NPLOC4: variants seen among roughly 807,000 people sequenced by gnomAD.
NPLOC4 encodes NPL4 homolog, ubiquitin recognition factor.
A neutral mutation model predicts 80.6 loss-of-function variants in NPLOC4; 18 were observed. The observed-to-expected ratio is 0.22, with a 90% CI of 0.15 to 0.33. The LOEUF (loss-of-function observed/expected upper bound fraction) is 0.33. Ranked by LOEUF, NPLOC4 falls within the 10% of genes least tolerant of loss-of-function variation. The pLI is 1.00. For missense variants in NPLOC4, 540 were observed against 786.1 expected, an observed-to-expected ratio of 0.69 and a Z score of 3.74; for synonymous variants, 313 against 301.5, an observed-to-expected ratio of 1.04 and a Z score of -0.39.
At chr17:81,590,374 A>C (rs1247404410) in intron 11 of NPLOC4, among the ~76,000 whole-genome samples, 1 of 152,216 alleles carries the variant, frequency 6.6e-6, no homozygotes, top group African/African-American at 2.4e-5. Flanking sequence ...CAGATCCCTG[A>C]AGTGAGCTGG....
intron 16 of NPLOC4, chr17:81,563,003 C>G (rs1386232811): frequency 6.7e-6 from 1 of 149,150 alleles, no homozygotes; most frequent in East Asian, 2.0e-4. Flanking sequence ...AATCTCAGCA[C>G]TTTGGGAACC....
At chr17:81,607,638 C>A (rs2035241184) in intron 6 of NPLOC4, among the ~76,000 whole-genome samples, 1 of 152,116 alleles carries the variant, frequency 6.6e-6, no homozygotes, top group Non-Finnish European at 1.5e-5. Context: ...ATGCTAACAG[C>A]AGCCACAAAC....
In NPLOC4 at chr17:81,596,209, T is replaced by C. The variant is rs747197544; in HGVS notation, c.1027A>G (p.Thr343Ala). 4 of 1,613,778 alleles carry C rather than the reference T, an allele frequency of 2.5e-6. No homozygotes were observed. In the East Asian group the frequency reaches 8.9e-5, roughly 36 times the overall value. The change falls in exon 11 of 17, where the codon ACT becomes GCT. Residue 343 changes from threonine to alanine, a missense_variant. Transcript: ENST00000331134. The stretch of plus-strand genomic sequence containing the variant: ...TGCTTGTTCTGGAAGTCTCCTGCAG[T>C]GATGCACTCTTCTGAACTTAGGAAA... ...TYFLSSEECI[T>A]AGDFQNKHPN...
At chr17:81,571,837 C>T (rs1223374625) in intron 13 of NPLOC4, among the ~76,000 whole-genome samples, 180 bp downstream of exon 13, 1 of 152,142 alleles carries the variant, frequency 6.6e-6, no homozygotes, top group Non-Finnish European at 1.5e-5. Context: ...ATTTCAGCAA[C>T]ACCGCATGCT....
intron 1 of NPLOC4, among the ~76,000 whole-genome samples, 200 bp downstream of exon 1, chr17:81,636,716 G>C (rs1390558599): frequency 6.6e-6 from 1 of 152,150 alleles, no homozygotes; most frequent in African/African-American, 2.4e-5. Context: ...TAAGTCCCCT[G>C]GGGAGGGACA....
At chr17:81,579,441 G>T (rs2144096097) in intron 12 of NPLOC4, among the ~76,000 whole-genome samples, 1 of 152,226 alleles carries the variant, frequency 6.6e-6, no homozygotes, top group East Asian at 1.9e-4. Context: ...CCCTCCTGCT[G>T]CCAGCCTCTC....
At chr17:81,611,348 T>C (rs2035334123) in intron 4 of NPLOC4, among the ~76,000 whole-genome samples, 1 of 151,884 alleles carries the variant, frequency 6.6e-6, no homozygotes, top group South Asian at 2.1e-4. Context: ...AATAGTTTTT[T>C]TTTTGTTTTC....
chr17:81,576,652 G>A (rs765427875), intron 12 of NPLOC4, among the ~76,000 whole-genome samples: 4 of 112,204 alleles, frequency 3.6e-5, no homozygotes, highest in South Asian at 5.3e-4. Flanking sequence ...AAAACCTGGC[G>A]TGTGTTTGCA....
chr17:81,590,369 C>A (rs2034705929), intron 11 of NPLOC4, among the ~76,000 whole-genome samples: 1 of 152,208 alleles, frequency 6.6e-6, no homozygotes, highest in Non-Finnish European at 1.5e-5. Flanking sequence ...TAGACCAGAT[C>A]CCTGAAGTGA....
intron 4 of NPLOC4, 191 bp downstream of exon 4, chr17:81,613,127 T>TACAAAA: frequency 2.3e-6 from 1 of 425,902 alleles, no homozygotes; most frequent in Non-Finnish European, 3.9e-6. Flanking sequence ...GATAAAAAGC[T>TACAAAA]AAAAAAAAAA....
chr17:81,604,471 G>T, intron 8 of NPLOC4, 77 bp downstream of exon 8: 3 of 1,362,366 alleles, frequency 2.2e-6, no homozygotes, highest in Non-Finnish European at 2.0e-6. Flanking sequence ...AGCGAACAGG[G>T]CAAGGCCTCT....
At chr17:81,588,824 AG>A (rs1391355731) in intron 12 of NPLOC4, 119 bp downstream of exon 12, 23 of 805,752 alleles carry the variant, frequency 2.9e-5, no homozygotes, top group Non-Finnish European at 4.4e-5. Context: ...AGTGACAAGC[AG>A]GGTTCAACCA....
rs1015117592 is a variant in NPLOC4, at chr17:81,558,920, T to TC, written c.*338dup. 4.7e-6 allele frequency: 1 copy of TC among 212,178 alleles called. No homozygotes were observed. Among genetic ancestry groups the TC allele is most frequent in the Non-Finnish European group, 9.3e-6 (1 of 107,370 alleles). 13.1% of individuals were successfully genotyped at this position (212,178 alleles called of 1,614,324 possible). On this transcript the variant is annotated 3_prime_UTR_variant, in exon 17 of 17. Transcript: ENST00000331134. ...AAGAGAAGGCTGGGTGGTGGCAGCA[T>TC]CGGCCCCTCCCTGTGCGCCCCAATT... is the stretch of plus-strand genomic sequence containing the variant.
chr17:81,612,365 G>A (rs1309635111), intron 4 of NPLOC4, among the ~76,000 whole-genome samples: 3 of 152,056 alleles, frequency 2.0e-5, no homozygotes, highest in Admixed American at 6.6e-5. Context: ...ACACACACAC[G>A]CTCTCAAAAG....
At chr17:81,625,441 A>AAATAAAAGGAATG (rs1347172926) in intron 2 of NPLOC4, among the ~76,000 whole-genome samples, 1 of 152,244 alleles carries the variant, frequency 6.6e-6, no homozygotes, top group Non-Finnish European at 1.5e-5. Flanking sequence ...AGATGTACCC[A>AAATAAAAGGAATG]AATAAAAGGA....
At chr17:81,583,654 T>C (rs1184502188) in intron 12 of NPLOC4, among the ~76,000 whole-genome samples, 1 of 152,194 alleles carries the variant, frequency 6.6e-6, no homozygotes, top group Admixed American at 6.5e-5. Context: ...ATGACACAAA[T>C]GTGCCTTCAA....
Position 81,559,147 on chromosome 17 carries a change from T to A in NPLOC4, c.*112A>T. ...GGAGCCCAGGACAGCCAGCCCCTTG[T>A]TCCTCCAGGGCTGCCCACTATGGGG... is the stretch of plus-strand genomic sequence containing the variant. On this transcript the variant is annotated 3_prime_UTR_variant, in exon 17 of 17. Transcript: ENST00000331134. The A allele has an allele frequency of 8.1e-7, 1 of 1,240,768 alleles. No individual in the cohort carries two copies. The highest frequency in any genetic ancestry group is 1.1e-6 in the Non-Finnish European group (1 of 919,160). The allele number at this position is 1,240,768 out of a possible 1,614,324, so 76.9% of individuals were successfully genotyped here. A position where few individuals can be genotyped will look rare whatever the true frequency, so the allele number is the denominator to read the frequency against.
intron 2 of NPLOC4, among the ~76,000 whole-genome samples, chr17:81,622,626 C>T (rs1371403018): frequency 6.6e-6 from 1 of 152,190 alleles, no homozygotes; most frequent in Non-Finnish European, 1.5e-5. Context: ...TCTCGGCTTA[C>T]TGCAACCTCC....
At chr17:81,571,119 T>C (rs940443594) in intron 13 of NPLOC4, among the ~76,000 whole-genome samples, 1 of 152,134 alleles carries the variant, frequency 6.6e-6, no homozygotes, top group African/African-American at 2.4e-5. Flanking sequence ...TCTCGGGAGC[T>C]GTCAGTTGGA....
Sources: gnomAD v4.1 joint callset for allele counts (sites outside exome capture counted in the v4.1 genomes callset) on GRCh38, gnomAD v4.1.1 for gene constraint, MANE v1.5 for transcripts, NCBI Gene and HGNC (gene_info 2026-07-23, HGNC 2026-07-21) for gene names.